PHF8: variants seen among roughly 807,000 people sequenced by gnomAD.
PHF8 encodes the protein PHD finger protein 8.
A neutral mutation model predicts 74.4 loss-of-function variants in PHF8; 9 were observed. The observed-to-expected ratio is 0.12, with a 90% CI of 0.07 to 0.21. The LOEUF (loss-of-function observed/expected upper bound fraction) is 0.21, where lower values mean the gene tolerates loss of function less well. Ranked by LOEUF, PHF8 falls within the 10% of genes least tolerant of loss-of-function variation. The pLI is 1.00. For synonymous variants in PHF8, 311 were observed against 316.6 expected (o/e 0.98, Z 0.19); for missense variants, 478 against 816.6 (o/e 0.59, Z 5.05).
At chrX:53,999,644 G>C (rs1345393439) in intron 11 of PHF8, 1 of 388,034 alleles carries the variant, frequency 2.6e-6, no homozygotes, top group African/African-American at 2.5e-5. Flanking sequence ...CCTTCTTTAT[G>C]CTTTTCCTCA....
intron 3 of PHF8, 107 bp downstream of exon 3, chrX:54,022,651 G>A: frequency 3.7e-6 from 2 of 547,276 alleles, no homozygotes; most frequent in South Asian, 2.5e-5. Flanking sequence ...ATTTCCTGAG[G>A]AAGAAGAATC....
intron 2 of PHF8, among the ~76,000 whole-genome samples, chrX:54,037,489 C>T (rs1557114745): frequency 1.8e-5 from 2 of 112,025 alleles, no homozygotes; most frequent in African/African-American, 6.5e-5. Context: ...TTAAGCAATC[C>T]ACCAGCCTTG....
At chrX:54,007,813 G>A (rs1557105701) in intron 8 of PHF8, among the ~76,000 whole-genome samples, 1 of 111,785 alleles carries the variant, frequency 8.9e-6, no homozygotes, top group Non-Finnish European at 1.9e-5. Context: ...AATATAAAAT[G>A]GTACATGTAG....
At position 54,044,227 on chromosome X, in the gene PHF8, G is replaced by A. The variant is rs1410820515; in HGVS notation, c.-558C>T. On this transcript the variant is annotated 5_prime_UTR_variant, in exon 1 of 22. Transcript: ENST00000338154. The stretch of plus-strand genomic sequence containing the variant: ...CTGGGCCGGCAGGAGATACTCGCGA[G>A]CAAACCAACGGGGAAAGAGATGAAC... The A allele has an allele frequency of 5.3e-6, 4 of 754,271 alleles. No individual in the cohort carries two copies. The highest frequency in any genetic ancestry group is 1.3e-4 in the South Asian group (2 of 14,862). The allele number at this position is 754,271 out of a possible 1,213,427, so 62.2% of individuals were successfully genotyped here. A position where few individuals can be genotyped will look rare whatever the true frequency, so the allele number is the denominator to read the frequency against.
chrX:54,044,714 C>CT (rs1351664867), upstream of PHF8, among the ~76,000 whole-genome samples: 1 of 112,656 alleles, frequency 8.9e-6, no homozygotes, highest in Non-Finnish European at 1.9e-5. Context: ...AGCCTTCCCC[C>CT]TCCTCCGGGC....
chrX:54,043,957 C>A lies in PHF8; in HGVS notation c.-288G>T, dbSNP rs2066606798. The A allele has an allele frequency of 1.3e-6, 1 of 754,996 alleles. No individual in the cohort carries two copies. The highest frequency in any genetic ancestry group is 1.6e-6 in the Non-Finnish European group (1 of 639,436). 62.2% of individuals were successfully genotyped at this position (754,996 alleles called of 1,213,427 possible). A position where few individuals can be genotyped will look rare whatever the true frequency, so the allele number is the denominator to read the frequency against. Reference sequence around the variant, plus strand: ...ACTGCGAAGCGCCTCAGCGGAGGCTCGTCCGGTAGTTCCGGCCCCTACGGC... The same window carrying A: ...ACTGCGAAGCGCCTCAGCGGAGGCTAGTCCGGTAGTTCCGGCCCCTACGGC... On this transcript the variant is annotated 5_prime_UTR_variant, in exon 1 of 22. Transcript: ENST00000338154.
chrX:54,016,090 C>T (rs782239321), intron 6 of PHF8, among the ~76,000 whole-genome samples: 2 of 111,544 alleles, frequency 1.8e-5, no homozygotes, highest in South Asian at 7.5e-4. Context: ...CTATCCAATG[C>T]TAGAAACTGT....
At chrX:53,971,948 T>C (rs782531614) in intron 18 of PHF8, among the ~76,000 whole-genome samples, 2 of 110,995 alleles carry the variant, frequency 1.8e-5, no homozygotes, top group South Asian at 3.8e-4. Flanking sequence ...TTCCAAAAAA[T>C]TGAAAAGAAG....
chrX:53,985,258 A>G (rs782476235), intron 17 of PHF8, 31 bp from the exon 18 acceptor site: 18 of 1,092,394 alleles, frequency 1.6e-5, no homozygotes, highest in Non-Finnish European at 2.1e-5. Flanking sequence ...ATACTGAGAG[A>G]GTTGTTTTTA....
intron 19 of PHF8, among the ~76,000 whole-genome samples, chrX:53,953,643 CAAA>C (rs1208325871): frequency 2.5e-5 from 1 of 39,372 alleles, no homozygotes. Context: ...CACTCTGTCT[CAAA>C]AAAAAAAAAA....
intron 4 of PHF8, among the ~76,000 whole-genome samples, chrX:54,019,662 G>C (rs2066132395): frequency 9.4e-6 from 1 of 106,660 alleles, no homozygotes; most frequent in African/African-American, 3.4e-5. Flanking sequence ...ATGGTGGTAC[G>C]TGCCTGTAAT....
At chrX:54,013,964 T>A (rs782446916) in intron 7 of PHF8, among the ~76,000 whole-genome samples, 1 of 109,358 alleles carries the variant, frequency 9.1e-6, no homozygotes, top group South Asian at 3.9e-4. Context: ...TTGAATCAAT[T>A]TTTTTTTTTA....
intron 18 of PHF8, among the ~76,000 whole-genome samples, chrX:53,978,631 T>C (rs1432660387): frequency 2.8e-5 from 3 of 108,517 alleles, no homozygotes; most frequent in Non-Finnish European, 5.7e-5. Context: ...ACCCCGTCTC[T>C]ACTAAAAATA....
chrX:53,967,208 C>G lies in PHF8; in HGVS notation c.2444-4269G>C, dbSNP rs2065211335. ...GTGAGGGGCGCCTCTGCCCGGCCGCCCCTACTGGGAAGTGAGGAGCCCCTC... is the reference window on the plus strand; with the variant it reads ...GTGAGGGGCGCCTCTGCCCGGCCGCGCCTACTGGGAAGTGAGGAGCCCCTC... On this transcript the variant is annotated intron_variant, in intron 18 of 21. Transcript: ENST00000338154. Among the ~76,000 whole-genome samples, 4 of 108,567 alleles carry G rather than the reference C, an allele frequency of 3.7e-5. No homozygotes were observed. The South Asian group carries it at 1.6e-3, about 43-fold the overall frequency. 94.3% of individuals were successfully genotyped at this position (108,567 alleles called of 115,157 possible).
chrX:53,994,600 A>AAC (rs2065718789), intron 12 of PHF8, among the ~76,000 whole-genome samples: 2 of 112,915 alleles, frequency 1.8e-5, no homozygotes, highest in Admixed American at 9.4e-5. Context: ...GTCCTCTTCC[A>AAC]ACCAGCCCAA....
At chrX:53,951,848 C>T (rs911401464) in intron 19 of PHF8, among the ~76,000 whole-genome samples, 9 of 111,511 alleles carry the variant, frequency 8.1e-5, no homozygotes, top group South Asian at 3.7e-4. Context: ...GAAGACAGTG[C>T]GAAGACATAT....
chrX:54,046,439 C>T (rs1011236955), upstream of PHF8, among the ~76,000 whole-genome samples: 2 of 110,136 alleles, frequency 1.8e-5, no homozygotes, highest in Non-Finnish European at 3.8e-5. Context: ...AAATATTAGC[C>T]GTGTGTGGTG....
chrX:54,039,382 C>T lies in PHF8; in HGVS notation c.98+3249G>A, dbSNP rs150490386. On this transcript the variant is annotated intron_variant, in intron 2 of 21. Coordinates refer to ENST00000338154, the MANE Select transcript of PHF8 (RefSeq NM_015107.3). ...CCCCAAGGACCTGATTCTCAGCTAG[C>T]TTCCTTGTTCAGTGGGGGCCCATAG... 9.2e-3 allele frequency among the ~76,000 whole-genome samples: 1,028 copies of T among 111,364 alleles called. 51 individuals are homozygous for T. Among genetic ancestry groups the T allele is most frequent in the Admixed American group, 0.087 (898 of 10,327 alleles).
Position 53,962,827 on chromosome X carries a change from A to T in PHF8, c.2539+17T>A, listed in dbSNP as rs2065124970. ...TGACCACCCCTACAGAGTTTAAGGG[A>T]CAAAATACTAGATTACCTTTAGGAC... On this transcript the variant is annotated intron_variant, in intron 19 of 21. Transcript: ENST00000338154. The T allele has an allele frequency of 9.9e-7, 1 of 1,005,985 alleles. No individual in the cohort carries two copies. Among genetic ancestry groups the T allele is most frequent in the Admixed American group, 2.2e-5 (1 of 45,260 alleles). 82.9% of individuals were successfully genotyped at this position (1,005,985 alleles called of 1,213,427 possible).
Sources: allele counts gnomAD v4.1 joint callset (sites outside exome capture counted in the v4.1 genomes callset), GRCh38; gene constraint gnomAD v4.1.1; transcripts MANE v1.5; gene names NCBI Gene and HGNC (gene_info 2026-07-23, HGNC 2026-07-21).